The following FAM174A variants were observed in gnomAD, a reference collection of about 807,000 sequenced individuals.
FAM174A encodes the protein family with sequence similarity 174 member A, also known as membrane protein FAM174A.
A neutral mutation model predicts 14.3 loss-of-function variants in FAM174A; 14 were observed. The ratio of observed to expected loss-of-function variants is 0.98; its 90% confidence interval spans 0.65 to 1.53. The LOEUF (loss-of-function observed/expected upper bound fraction) is 1.53. Among genes scored for constraint, FAM174A ranks in the 40% most tolerant of loss-of-function variants. The probability of loss-of-function intolerance (pLI) is 0.00; values close to 1 mark genes in which losing one functional copy is unlikely to be tolerated. For missense variants in FAM174A, 241 were observed against 249.6 expected (o/e 0.97, Z 0.23); for synonymous variants, 108 against 111.4 (o/e 0.97, Z 0.19).
chr5:100,562,161 CGTT>C lies in FAM174A; in HGVS notation c.546_548del (p.Leu182del). ...CAGGATGATGAGGATGATGACAACA[CGTT>C]GTTTGATGCCAATCATCCTCGAAGG... On this transcript the variant is annotated inframe_deletion, in exon 2 of 3. Coordinates refer to ENST00000312637, the MANE Select transcript of FAM174A (RefSeq NM_198507.3). 6.3e-7 allele frequency: 1 copy of C among 1,580,982 alleles called. No individual in the cohort carries two copies. The highest frequency in any genetic ancestry group is 8.6e-7 in the Non-Finnish European group (1 of 1,166,706).
At position 100,560,208 on chromosome 5, in the gene FAM174A, G is replaced by A. The variant is rs189087506; in HGVS notation, c.435-1846G>A. Among the ~76,000 whole-genome samples, 614 of 152,214 alleles carry A rather than the reference G, an allele frequency of 4.0e-3. 1 individual carries two copies. The highest frequency in any genetic ancestry group is 0.01 in the Middle Eastern group (3 of 294). On this transcript the variant is annotated intron_variant, in intron 1 of 2. Transcript: ENST00000312637. ...GCAGGTCTATTGGAGTTTGCTGGAG[G>A]TCCACTCCAGACCCTGTTTGCCTGG...
At chr5:100,555,239 C>A (rs937517584) in intron 1 of FAM174A, among the ~76,000 whole-genome samples, 1 of 151,962 alleles carries the variant, frequency 6.6e-6, no homozygotes, top group African/African-American at 2.4e-5. Flanking sequence ...TCATCCATGT[C>A]CCTACAAAGG....
chr5:100,579,423 C>T (rs551343138), intron 2 of FAM174A, among the ~76,000 whole-genome samples: 11 of 151,602 alleles, frequency 7.3e-5, no homozygotes, highest in Admixed American at 4.0e-4. Flanking sequence ...AATTATGTAG[C>T]GATTTTTTTT....
chr5:100,584,957 G>T (rs1053680399), intron 2 of FAM174A, among the ~76,000 whole-genome samples: 1 of 152,070 alleles, frequency 6.6e-6, no homozygotes, highest in Non-Finnish European at 1.5e-5. Flanking sequence ...TTTTGTATGG[G>T]TGTCATCATG....
chr5:100,542,421 A>G (rs1270234599), intron 1 of FAM174A, among the ~76,000 whole-genome samples: 1 of 152,176 alleles, frequency 6.6e-6, no homozygotes, highest in Admixed American at 6.5e-5. Flanking sequence ...CTTACCATTC[A>G]CATACAGTCA....
Position 100,535,967 on chromosome 5 carries a change from G to A in FAM174A, c.434+3G>A. Reference sequence around the variant, plus strand: ...TACTTCGTGGTCAGGACGGTCAGGTGAGGCAAAGCCTCGGTGGGGCACCCC... The same window carrying A: ...TACTTCGTGGTCAGGACGGTCAGGTAAGGCAAAGCCTCGGTGGGGCACCCC... On this transcript the variant is annotated splice_donor_region_variant and intron_variant, in intron 1 of 2. Coordinates refer to ENST00000312637, the MANE Select transcript of FAM174A (RefSeq NM_198507.3). The A allele has an allele frequency of 6.4e-7, 1 of 1,567,788 alleles. No individual in the cohort carries two copies. Among genetic ancestry groups the A allele is most frequent in the Non-Finnish European group, 8.7e-7 (1 of 1,151,546 alleles).
intron 1 of FAM174A, among the ~76,000 whole-genome samples, chr5:100,559,643 G>T (rs140189640): frequency 1.3e-5 from 2 of 151,904 alleles, no homozygotes; most frequent in Non-Finnish European, 2.9e-5. Context: ...GGCTTTGTTC[G>T]TTTCTTTTTA....
intron 2 of FAM174A, among the ~76,000 whole-genome samples, chr5:100,581,634 T>C (rs72774701): frequency 1.6e-4 from 24 of 152,240 alleles, no homozygotes; most frequent in Non-Finnish European, 2.5e-4. Flanking sequence ...ATAATTCCAA[T>C]TGGGCATATA....
chr5:100,577,843 A>C (rs1037191301), intron 2 of FAM174A, among the ~76,000 whole-genome samples: 1 of 151,980 alleles, frequency 6.6e-6, no homozygotes, highest in African/African-American at 2.4e-5. Context: ...CTTTTATATA[A>C]TTTTTTCCAA....
chr5:100,585,585 T>C (rs1412904556), intron 2 of FAM174A, among the ~76,000 whole-genome samples: 1 of 152,118 alleles, frequency 6.6e-6, no homozygotes, highest in Non-Finnish European at 1.5e-5. Context: ...GGCTAATTTT[T>C]GTATTTTTAG....
At chr5:100,554,779 GTCTA>G (rs1255831795) in intron 1 of FAM174A, among the ~76,000 whole-genome samples, 9 of 152,122 alleles carry the variant, frequency 5.9e-5, no homozygotes, top group East Asian at 3.9e-4. Context: ...TTATCTATCT[GTCTA>G]TCTATCTATC....
Position 100,586,338 on chromosome 5 carries a change from T to C in FAM174A, c.*154T>C. ...TAATTTGCTGTTGCAATAAATACCG[T>C]ATCCTTTTATTATATCTTTATATGT... On this transcript the variant is annotated 3_prime_UTR_variant, in exon 3 of 3. Transcript: ENST00000312637. 2 of 459,038 alleles carry C rather than the reference T, an allele frequency of 4.4e-6. No homozygotes were observed. The highest frequency in any genetic ancestry group is 8.0e-6 in the Non-Finnish European group (2 of 249,388). 28.4% of individuals were successfully genotyped at this position (459,038 alleles called of 1,614,324 possible).
intron 2 of FAM174A, among the ~76,000 whole-genome samples, chr5:100,581,832 T>G (rs1273116973): frequency 6.6e-6 from 1 of 152,124 alleles, no homozygotes; most frequent in African/African-American, 2.4e-5. Flanking sequence ...GTCTTATAAA[T>G]ATAAACAGGT....
At chr5:100,560,181 C>T (rs925069004) in intron 1 of FAM174A, among the ~76,000 whole-genome samples, 1 of 152,134 alleles carries the variant, frequency 6.6e-6, no homozygotes, top group Non-Finnish European at 1.5e-5. Flanking sequence ...GGACCCTCAG[C>T]TGCAGGTCTA....
intron 1 of FAM174A, among the ~76,000 whole-genome samples, chr5:100,556,543 T>C (rs188624609): frequency 0.32 from 48,555 of 151,954 alleles, 9,302 homozygotes; most frequent in African/African-American, 0.52. Flanking sequence ...AGTATGGCCA[T>C]TTTCACGATA....
At chr5:100,555,226 G>A (rs1746350286) in intron 1 of FAM174A, among the ~76,000 whole-genome samples, 3 of 152,034 alleles carry the variant, frequency 2.0e-5, no homozygotes, top group Non-Finnish European at 4.4e-5. Context: ...ATGGTTTCCA[G>A]CTTCATCCAT....
chr5:100,556,741 T>C (rs1429875825), intron 1 of FAM174A, among the ~76,000 whole-genome samples: 2 of 152,150 alleles, frequency 1.3e-5, no homozygotes, highest in Non-Finnish European at 2.9e-5. Flanking sequence ...TGGCTGTCCG[T>C]TTGTCTGTTA....
chr5:100,547,210 A>G (rs761760633), intron 1 of FAM174A, among the ~76,000 whole-genome samples: 5 of 152,114 alleles, frequency 3.3e-5, no homozygotes, highest in Non-Finnish European at 7.4e-5. Context: ...AAACATGATT[A>G]ACCATTTCTG....
At chr5:100,547,543 C>T (rs1416825164) in intron 1 of FAM174A, among the ~76,000 whole-genome samples, 1 of 152,028 alleles carries the variant, frequency 6.6e-6, no homozygotes, top group East Asian at 1.9e-4. Flanking sequence ...GCTGAGAAAA[C>T]AAGTATAAAA....
Sources: allele counts gnomAD v4.1 joint callset (sites outside exome capture counted in the v4.1 genomes callset), GRCh38; gene constraint gnomAD v4.1.1; transcripts MANE v1.5; gene names NCBI Gene and HGNC (gene_info 2026-07-23, HGNC 2026-07-21).